The following ANO2 variants were observed in gnomAD, a reference collection of about 807,000 sequenced individuals.
The protein encoded by ANO2 is anoctamin 2, also known as anoctamin-2.
In ANO2, 101 loss-of-function variants were observed where a neutral mutation model predicts 124.2. The observed-to-expected ratio is 0.81, with a 90% CI of 0.69 to 0.96. ANO2 has a LOEUF of 0.96. Among genes scored for constraint, ANO2 ranks in the 40% least tolerant of loss-of-function variants. ANO2 has a pLI of 0.00. For missense variants in ANO2, 1,293 were observed against 1,274.5 expected (o/e 1.01, Z -0.22); for synonymous variants, 486 against 482.5 (o/e 1.01, Z -0.09).
chr12:5,575,880 T>C lies in ANO2; in HGVS notation c.2575A>G (p.Thr859Ala), dbSNP rs1254523236. 1 of 1,613,872 alleles carries C rather than the reference T, an allele frequency of 6.2e-7. No individual in the cohort carries two copies. Among genetic ancestry groups the C allele is most frequent in the Non-Finnish European group, 8.5e-7 (1 of 1,179,878 alleles). The change falls in exon 23 of 25, where the codon ACG becomes GCG. Residue 859 changes from threonine to alanine, a missense_variant. Physicochemically the swap from Thr to Ala is moderately conservative, Grantham distance 58. Transcript: ENST00000682330. ...TCAAACTGTGAGTTTTCTGGCTGCG[T>C]CCCCTCCTTCAGCTGGCTGACGTTG... ...FFNVSQLKEG[T>A]QPENSQFDQE...
chr12:5,850,824 C>G (rs2137248809), intron 4 of ANO2, among the ~76,000 whole-genome samples: 1 of 152,288 alleles, frequency 6.6e-6, no homozygotes, highest in South Asian at 2.1e-4. Context: ...AGGAAGTTGA[C>G]TGGGGGACTA....
intron 7 of ANO2, among the ~76,000 whole-genome samples, chr12:5,821,252 C>G (rs7979164): frequency 0.82 from 124,423 of 152,150 alleles, 51,842 homozygotes; most frequent in Non-Finnish European, 0.9. Context: ...GGGTCCAGTG[C>G]TGTGGGGCCT....
At chr12:5,641,104 C>A (rs1392124331) in intron 15 of ANO2, among the ~76,000 whole-genome samples, 3 of 152,038 alleles carry the variant, frequency 2.0e-5, no homozygotes, top group African/African-American at 7.2e-5. Flanking sequence ...AACCATCATT[C>A]TGAGCAAACT....
At chr12:5,683,594 C>A (rs1948588902) in intron 14 of ANO2, among the ~76,000 whole-genome samples, 1 of 152,116 alleles carries the variant, frequency 6.6e-6, no homozygotes, top group Non-Finnish European at 1.5e-5. Context: ...AGTCTCATGC[C>A]ACATCACATG....
intron 1 of ANO2, among the ~76,000 whole-genome samples, chr12:5,931,064 T>G (rs1942347685): frequency 6.6e-6 from 1 of 152,232 alleles, no homozygotes; most frequent in Non-Finnish European, 1.5e-5. Context: ...TCTCTCATCC[T>G]GGGCTCACAC....
chr12:5,865,455 T>G (rs958229829), intron 3 of ANO2, among the ~76,000 whole-genome samples: 1 of 136,116 alleles, frequency 7.3e-6, no homozygotes, highest in Non-Finnish European at 1.6e-5. Flanking sequence ...GCCACCACAC[T>G]ACCATTTCAT....
chr12:5,821,903 G>T (rs539674968), intron 7 of ANO2, among the ~76,000 whole-genome samples: 1 of 152,120 alleles, frequency 6.6e-6, no homozygotes, highest in Non-Finnish European at 1.5e-5. Flanking sequence ...AATGCTCATG[G>T]TCTTCATTCC....
At chr12:5,883,103 AAC>A (rs759783619) in intron 3 of ANO2, among the ~76,000 whole-genome samples, 35 of 151,952 alleles carry the variant, frequency 2.3e-4, no homozygotes, top group Non-Finnish European at 4.4e-4. Context: ...CAGCACCATT[AAC>A]ACACACAGCC....
chr12:5,877,205 A>G (rs1169042980), intron 3 of ANO2, among the ~76,000 whole-genome samples: 2 of 152,124 alleles, frequency 1.3e-5, no homozygotes, highest in Non-Finnish European at 2.9e-5. Context: ...AGGTCCTTAT[A>G]AGTAGAGGAA....
chr12:5,705,484 A>AG (rs1329854551), intron 14 of ANO2, among the ~76,000 whole-genome samples: 10 of 152,290 alleles, frequency 6.6e-5, no homozygotes. Flanking sequence ...ATCCACACAC[A>AG]GGGAAGGCCA....
rs765073520 is a variant in ANO2 at position 5,647,820 on chromosome 12, G to A, written c.1546-19C>T. On this transcript the variant is annotated intron_variant, in intron 14 of 24. Transcript: ENST00000682330. ...CATCATCCTGGGGAGAAACGGGAGA[G>A]TAGAGACAATCAGGAGGCACAAATA... is the stretch of plus-strand genomic sequence containing the variant. The A allele has an allele frequency of 3.1e-6, 5 of 1,590,152 alleles. No individual in the cohort carries two copies. The highest frequency in any genetic ancestry group is 4.3e-6 in the Non-Finnish European group (5 of 1,162,802).
chr12:5,579,383 TAG>T (rs1449384297), intron 20 of ANO2, among the ~76,000 whole-genome samples: 1 of 152,346 alleles, frequency 6.6e-6, no homozygotes, highest in Admixed American at 6.5e-5. Flanking sequence ...GGTCTCCATG[TAG>T]AGTCCCTCAG....
At chr12:5,891,832 A>T (rs1939426334) in intron 3 of ANO2, among the ~76,000 whole-genome samples, 1 of 34,868 alleles carries the variant, frequency 2.9e-5, no homozygotes, top group African/African-American at 1.5e-4. Flanking sequence ...GATAAAACAC[A>T]AATAGGATTT....
At chr12:5,623,986 A>G (rs1442345886) in intron 16 of ANO2, among the ~76,000 whole-genome samples, 1 of 152,150 alleles carries the variant, frequency 6.6e-6, no homozygotes, top group Non-Finnish European at 1.5e-5. Context: ...CTGGGTAACA[A>G]GGCAGCCAGC....
intron 16 of ANO2, among the ~76,000 whole-genome samples, chr12:5,619,241 A>G (rs567102438): frequency 3.1e-4 from 47 of 152,378 alleles, no homozygotes; most frequent in Middle Eastern, 3.4e-3. Flanking sequence ...TGTAGTGAAT[A>G]GGATTACTTT....
chr12:5,720,696 C>T (rs1170761909), intron 14 of ANO2, among the ~76,000 whole-genome samples: 3 of 152,140 alleles, frequency 2.0e-5, no homozygotes, highest in Non-Finnish European at 4.4e-5. Flanking sequence ...TGAATCTGCC[C>T]AGCCTTAGCT....
chr12:5,820,269 T>A (rs7964463), intron 7 of ANO2, among the ~76,000 whole-genome samples: 89,409 of 151,938 alleles, frequency 0.59, 26,649 homozygotes, highest in East Asian at 0.7. Context: ...TAACTGTGCA[T>A]TGGGGTAACT....
In ANO2 at chr12:5,563,433, G is replaced by C. The variant is rs1941560526; in HGVS notation, c.2863C>G (p.Leu955Val). The C allele has an allele frequency of 1.2e-6, 2 of 1,613,406 alleles. No homozygotes were observed. The highest frequency in any genetic ancestry group is 1.7e-6 in the Non-Finnish European group (2 of 1,179,714). ...FLKEEHEKLK[L>V]MDEPALRSPG... Reference sequence around the variant, plus strand: ...CTCCTCAGAGCCGGCTCATCCATCAGCTTGAGCTTCTCATGCTCCTCTTTC... The same window carrying C: ...CTCCTCAGAGCCGGCTCATCCATCACCTTGAGCTTCTCATGCTCCTCTTTC... Residue 955 changes from leucine to valine, a missense_variant, in exon 25 of 25, where the codon CTG becomes GTG. Transcript: ENST00000682330.
At chr12:5,792,434 T>C (rs1253587193) in intron 10 of ANO2, among the ~76,000 whole-genome samples, 1 of 152,188 alleles carries the variant, frequency 6.6e-6, no homozygotes, top group Non-Finnish European at 1.5e-5. Context: ...AGTTCCAGCC[T>C]GGTTATGTTT....
Sources: allele counts gnomAD v4.1 joint callset (sites outside exome capture counted in the v4.1 genomes callset), GRCh38; gene constraint gnomAD v4.1.1; transcripts MANE v1.5; gene names NCBI Gene and HGNC (gene_info 2026-07-23, HGNC 2026-07-21).